RABEP1: variants seen among roughly 807,000 people sequenced by gnomAD.
The protein encoded by RABEP1 is rab GTPase-binding effector protein 1.
RABEP1 carries 51 observed loss-of-function variants against 123.4 expected under a neutral mutation model. That is an observed-to-expected ratio of 0.41 (90% CI 0.33 to 0.52). The LOEUF is 0.52. RABEP1 is among the 20% of genes least tolerant of loss of function. RABEP1 has a pLI of 0.16. For synonymous variants in RABEP1, 347 were observed against 355.2 expected (o/e 0.98, Z 0.26); for missense variants, 888 against 996.3 (o/e 0.89, Z 1.46).
At position 5,364,133 on chromosome 17, in the gene RABEP1, T is replaced by C. The variant is rs368893185; in HGVS notation, c.1669-989T>C. Among the ~76,000 whole-genome samples, 10 of 152,232 alleles carry C rather than the reference T, an allele frequency of 6.6e-5. No individual in the cohort carries two copies. In the East Asian group the frequency reaches 1.3e-3, roughly 20 times the overall value. Reference sequence around the variant, plus strand: ...TTTCAAAGGTAAATTTCTAAATGTATTTGCAAAACTAATGTAGTTGGCCCC... The same window carrying C: ...TTTCAAAGGTAAATTTCTAAATGTACTTGCAAAACTAATGTAGTTGGCCCC... On this transcript the variant is annotated intron_variant, in intron 10 of 17. Coordinates refer to ENST00000537505, the MANE Select transcript of RABEP1 (RefSeq NM_004703.6).
At chr17:5,298,176 G>A (rs2075100732) in intron 1 of RABEP1, among the ~76,000 whole-genome samples, 1 of 152,090 alleles carries the variant, frequency 6.6e-6, no homozygotes. Context: ...TATTTATTTA[G>A]AAGAACTTTT....
At chr17:5,333,135 T>A (rs1176740390) in intron 3 of RABEP1, among the ~76,000 whole-genome samples, 1 of 152,130 alleles carries the variant, frequency 6.6e-6, no homozygotes, top group Non-Finnish European at 1.5e-5. Flanking sequence ...ACTGAATCTT[T>A]GAGTTCCTGG....
At chr17:5,368,593 G>T in intron 12 of RABEP1, 125 bp downstream of exon 12, 2 of 646,888 alleles carry the variant, frequency 3.1e-6, no homozygotes, top group South Asian at 2.0e-5. Context: ...TCTTCTCCCG[G>T]GACTGTAGAA....
In RABEP1 at chr17:5,361,295, A is replaced by G. The variant is rs1279750215; in HGVS notation, c.1183A>G (p.Asn395Asp). ...PSGDPFSKSD[N>D]DMFKDGLRRA... Reference sequence around the variant, plus strand: ...TGGAGATCCTTTCAGTAAATCGGACAATGACATGTTTAAAGATGGACTCAG... The same window carrying G: ...TGGAGATCCTTTCAGTAAATCGGACGATGACATGTTTAAAGATGGACTCAG... The change falls in exon 9 of 18, where the codon AAT (asparagine) becomes GAT (aspartate). Residue 395 changes from asparagine (N) to aspartate (D), a missense_variant. By Grantham distance (23) the Asn-to-Asp change is conservative. Coordinates refer to ENST00000537505, the MANE Select transcript of RABEP1 (RefSeq NM_004703.6). The G allele has an allele frequency of 6.2e-7, 1 of 1,614,152 alleles. No homozygotes were observed. Among genetic ancestry groups the G allele is most frequent in the Admixed American group, 1.7e-5 (1 of 60,006 alleles).
rs1467347848 is a variant in RABEP1, at chr17:5,332,160, CAG to C, written c.367+12_367+13del. 3 of 1,609,878 alleles carry C rather than the reference CAG, an allele frequency of 1.9e-6. No homozygotes were observed. The African/African-American group carries it at 4.0e-5, about 22-fold the overall frequency. On this transcript the variant is annotated intron_variant, in intron 3 of 17. Coordinates refer to ENST00000537505, the MANE Select transcript of RABEP1 (RefSeq NM_004703.6). ...TTCAGGCTGTTATGAAAGGTAAAGA[CAG>C]AGAAAGATCAATTTTGTGATTTTCT...
chr17:5,316,751 T>C (rs1417029803), intron 2 of RABEP1, among the ~76,000 whole-genome samples: 2 of 137,936 alleles, frequency 1.4e-5, no homozygotes, highest in Non-Finnish European at 3.0e-5. Flanking sequence ...GAGAATTGCC[T>C]GAACCCAAGA....
At chr17:5,332,596 A>ATATT (rs1555521415) in intron 3 of RABEP1, among the ~76,000 whole-genome samples, 7 of 105,906 alleles carry the variant, frequency 6.6e-5, no homozygotes, top group East Asian at 2.8e-4. Context: ...ACGTTTTAGA[A>ATATT]TTTTTTTTTT....
In RABEP1 at chr17:5,299,816, G is replaced by A. The variant is rs962343870; in HGVS notation, c.35-8878G>A. On this transcript the variant is annotated intron_variant, in intron 1 of 17. Coordinates refer to ENST00000537505, the MANE Select transcript of RABEP1 (RefSeq NM_004703.6). ...GTGATCTCGGCTCACTGCAACCTCT[G>A]CCTCCTGGGTTCAAGCGATTCTCCT... Among the ~76,000 whole-genome samples, 3 of 137,484 alleles carry A rather than the reference G, an allele frequency of 2.2e-5. No individual in the cohort carries two copies. The Admixed American group carries it at 2.4e-4, about 11-fold the overall frequency. The allele number at this position is 137,484 out of a possible 152,430, so 90.2% of individuals were successfully genotyped here. A position where few individuals can be genotyped will look rare whatever the true frequency, so the allele number is the denominator to read the frequency against.
At chr17:5,350,764 A>G in intron 7 of RABEP1, 135 bp downstream of exon 7, 1 of 949,028 alleles carries the variant, frequency 1.1e-6, no homozygotes, top group East Asian at 2.7e-5. Context: ...CCACTTTTAA[A>G]AACATAACAG....
intron 7 of RABEP1, among the ~76,000 whole-genome samples, chr17:5,353,128 C>A (rs1567539427): frequency 6.6e-6 from 1 of 152,196 alleles, no homozygotes; most frequent in African/African-American, 2.4e-5. Flanking sequence ...ATGTCCTTTA[C>A]TTCTCATGTG....
chr17:5,333,168 T>G (rs1906727920), intron 3 of RABEP1, among the ~76,000 whole-genome samples: 2 of 152,098 alleles, frequency 1.3e-5, no homozygotes, highest in South Asian at 4.2e-4. Flanking sequence ...TTCTATTTTA[T>G]TTTTTACTTT....
chr17:5,369,782 C>T (rs909351621), intron 12 of RABEP1, among the ~76,000 whole-genome samples: 4 of 151,834 alleles, frequency 2.6e-5, no homozygotes, highest in Non-Finnish European at 5.9e-5. Context: ...CTCACTGCAA[C>T]CTCCTCCTCC....
chr17:5,379,424 A>G (rs1911264838), intron 15 of RABEP1, among the ~76,000 whole-genome samples: 1 of 152,040 alleles, frequency 6.6e-6, no homozygotes, highest in African/African-American at 2.4e-5. Context: ...CAGGTGTCTC[A>G]TATTCAGAAG....
At chr17:5,369,910 G>A (rs756753119) in intron 12 of RABEP1, among the ~76,000 whole-genome samples, 1 of 152,006 alleles carries the variant, frequency 6.6e-6, no homozygotes, top group Non-Finnish European at 1.5e-5. Context: ...ATGTTGGTCG[G>A]GCTGGTCTCG....
intron 11 of RABEP1, among the ~76,000 whole-genome samples, chr17:5,367,428 C>T (rs147425442): frequency 0.014 from 2,042 of 150,966 alleles, 26 homozygotes; most frequent in African/African-American, 0.018. Context: ...CCCGCCACCA[C>T]GCCCGGCTAA....
intron 1 of RABEP1, 83 bp downstream of exon 1, chr17:5,282,603 G>A: frequency 1.0e-6 from 1 of 973,914 alleles, no homozygotes; most frequent in Non-Finnish European, 1.3e-6. Flanking sequence ...CGGGCAGGCG[G>A]CGGCAAGGGC....
intron 5 of RABEP1, among the ~76,000 whole-genome samples, chr17:5,343,093 C>T (rs1192259697): frequency 6.6e-6 from 1 of 151,972 alleles, no homozygotes. Context: ...AACCCTGCCT[C>T]TACTAAAAAT....
At chr17:5,334,570 C>T (rs535211398) in intron 3 of RABEP1, among the ~76,000 whole-genome samples, 6 of 152,230 alleles carry the variant, frequency 3.9e-5, no homozygotes, top group South Asian at 2.1e-4. Context: ...TTTGCCATGT[C>T]GGCCAGGCTT....
chr17:5,332,687 C>T (rs747642297), intron 3 of RABEP1, among the ~76,000 whole-genome samples: 1 of 148,628 alleles, frequency 6.7e-6, no homozygotes, highest in African/African-American at 2.5e-5. Context: ...GTACTCGCTG[C>T]AACCTCTGCC....
Sources: allele counts gnomAD v4.1 joint callset (sites outside exome capture counted in the v4.1 genomes callset), GRCh38; gene constraint gnomAD v4.1.1; transcripts MANE v1.5; gene names NCBI Gene and HGNC (gene_info 2026-07-23, HGNC 2026-07-21).